Variants in LRRFIP1 observed in about 807,000 individuals in gnomAD.
LRRFIP1 encodes LRR binding FLII interacting protein 1, also known as leucine-rich repeat flightless-interacting protein 1.
LRRFIP1 carries 62 observed loss-of-function variants against 104.4 expected under a neutral mutation model. That is an observed-to-expected ratio of 0.59 (90% CI 0.48 to 0.73). The LOEUF is 0.73. Ranked by LOEUF, LRRFIP1 falls within the 30% of genes least tolerant of loss-of-function variation. The pLI is 0.00. For synonymous variants in LRRFIP1, 300 were observed against 299.0 expected, an observed-to-expected ratio of 1.00 and a Z score of -0.03; for missense variants, 796 against 824.5, an observed-to-expected ratio of 0.97 and a Z score of 0.42.
At chr2:237,757,875 T>A (rs984820433) in intron 17 of LRRFIP1, among the ~76,000 whole-genome samples, 7 of 151,898 alleles carry the variant, frequency 4.6e-5, no homozygotes, top group African/African-American at 1.7e-4. Context: ...AGGTCTGATG[T>A]GTGCAAGTCC....
chr2:237,768,151 AT>A lies in LRRFIP1; in HGVS notation c.1460-1788del, dbSNP rs984321066. ...AACGCTACGAAAACTAGTACTCTTT[AT>A]TTTCTTCATGTCAAATTATTTTGCT... On this transcript the variant is annotated intron_variant, in intron 19 of 23. Coordinates refer to ENST00000308482, the MANE Select transcript of LRRFIP1 (RefSeq NM_001137550.2). 9 of 152,100 alleles carry A rather than the reference AT, an allele frequency of 5.9e-5. No homozygotes were observed. In the South Asian group the frequency reaches 1.0e-3, roughly 18 times the overall value. The allele number at this position is 152,100 out of a possible 1,614,324, so 9.4% of individuals were successfully genotyped here.
chr2:237,738,417 GC>G lies in LRRFIP1; in HGVS notation c.556-813del, dbSNP rs1332964122. ...GGTGTCCAGGGGCTGGAATGGAGGG[GC>G]CTTCAGCAGTGGCGAGGCTTGCTAT... is the stretch of plus-strand genomic sequence containing the variant. On this transcript the variant is annotated intron_variant, in intron 10 of 23. Transcript: ENST00000308482. Among the ~76,000 whole-genome samples, 5 of 152,338 alleles carry G rather than the reference GC, an allele frequency of 3.3e-5. No homozygotes were observed. In the East Asian group the frequency reaches 9.7e-4, roughly 29 times the overall value.
In LRRFIP1 at chr2:237,703,382, T is replaced by TG. The variant is rs2093637405; in HGVS notation, c.97-5161dup. ...CCTGTTGCTCTTCCCACCCCATACC[T>TG]GCTCCCCACATTTCTATCAGAGCCC... On this transcript the variant is annotated intron_variant, in intron 1 of 23. Transcript: ENST00000308482. This position sits in a 1 kb window ranked among gnomAD's most constrained non-coding sequence, Gnocchi z 4.3. Among the ~76,000 whole-genome samples, 1 of 152,130 alleles carries TG rather than the reference T, an allele frequency of 6.6e-6. No homozygotes were observed. Among genetic ancestry groups the TG allele is most frequent in the South Asian group, 2.1e-4 (1 of 4,828 alleles).
chr2:237,752,534 C>T (rs2058747693), intron 14 of LRRFIP1, among the ~76,000 whole-genome samples: 1 of 152,240 alleles, frequency 6.6e-6, no homozygotes, highest in South Asian at 2.1e-4. Context: ...CCCTGGTAGC[C>T]TCTGCTGCAC....
chr2:237,692,206 C>A, intron 1 of LRRFIP1: 1 of 1,070,646 alleles, frequency 9.3e-7, no homozygotes, highest in Non-Finnish European at 1.1e-6. Context: ...TTCCCCGGCG[C>A]CCTTCCACCC....
At chr2:237,769,815 C>T (rs1430496949) in intron 19 of LRRFIP1, 128 bp from the exon 20 acceptor site, 20 of 740,274 alleles carry the variant, frequency 2.7e-5, no homozygotes, top group East Asian at 5.4e-5. Context: ...CCTCATTCAC[C>T]GTGGTACGTG....
intron 13 of LRRFIP1, among the ~76,000 whole-genome samples, chr2:237,750,537 A>C (rs2058491389): frequency 6.6e-6 from 1 of 151,804 alleles, no homozygotes; most frequent in African/African-American, 2.4e-5. Flanking sequence ...GGGTTTCGCC[A>C]TGTTGGCCAG....
At chr2:237,776,007 C>T (rs1185022665) in intron 23 of LRRFIP1, among the ~76,000 whole-genome samples, 1 of 151,856 alleles carries the variant, frequency 6.6e-6, no homozygotes, top group Non-Finnish European at 1.5e-5. Flanking sequence ...GACTCTTGCC[C>T]AGGCTGGAGT....
At chr2:237,702,878 A>G (rs2093613067) in intron 1 of LRRFIP1, among the ~76,000 whole-genome samples, 2 of 152,190 alleles carry the variant, frequency 1.3e-5, no homozygotes, top group Admixed American at 1.3e-4. Flanking sequence ...AACAATTGTT[A>G]GCTTATAGCC....
Position 237,717,904 on chromosome 2 carries a change from TTAAC to T in LRRFIP1, c.249+98_249+101del. 2 of 980,458 alleles carry T rather than the reference TTAAC, an allele frequency of 2.0e-6. No individual in the cohort carries two copies. Among genetic ancestry groups the T allele is most frequent in the East Asian group, 2.4e-5 (1 of 42,050 alleles). 60.7% of individuals were successfully genotyped at this position (980,458 alleles called of 1,614,324 possible). A position where few individuals can be genotyped will look rare whatever the true frequency, so the allele number is the denominator to read the frequency against. ...GTTTATAATGTAATTCTTACGCAGT[TTAAC>T]TATGTAGATAGATTCCTATTGCACC... On this transcript the variant is annotated intron_variant, in intron 4 of 23. Coordinates refer to ENST00000308482, the MANE Select transcript of LRRFIP1 (RefSeq NM_001137550.2). This position sits in a 1 kb window ranked among gnomAD's most constrained non-coding sequence, Gnocchi z 4.2.
At chr2:237,712,068 G>T (rs529723286) in intron 2 of LRRFIP1, among the ~76,000 whole-genome samples, 9 of 152,198 alleles carry the variant, frequency 5.9e-5, no homozygotes, top group Non-Finnish European at 1.0e-4. Flanking sequence ...CTGGGGCGGG[G>T]GGACATCCCA....
chr2:237,666,308 T>A (rs1466752313), intron 1 of LRRFIP1, among the ~76,000 whole-genome samples: 1 of 152,274 alleles, frequency 6.6e-6, no homozygotes, highest in Non-Finnish European at 1.5e-5. Context: ...GGTTTTTGGT[T>A]TCTTTTAAAT....
chr2:237,699,962 A>G (rs770262863), intron 1 of LRRFIP1, among the ~76,000 whole-genome samples: 16 of 152,186 alleles, frequency 1.1e-4, no homozygotes, highest in South Asian at 2.1e-4. Flanking sequence ...CCACATGAGC[A>G]TTTCTTTTGG....
intron 7 of LRRFIP1, among the ~76,000 whole-genome samples, chr2:237,727,355 C>CAAAAA (rs35562237): frequency 1.2e-5 from 1 of 84,722 alleles, no homozygotes. Flanking sequence ...GACTCTGTCT[C>CAAAAA]AAAAAAAAAA....
rs1485452805 is a variant in LRRFIP1 at position 237,756,195 on chromosome 2, G to A, written c.1131+8G>A. 6.2e-7 allele frequency: 1 copy of A among 1,603,948 alleles called. No homozygotes were observed. Among genetic ancestry groups the A allele is most frequent in the East Asian group, 2.2e-5 (1 of 44,768 alleles). ...AGAGAGGAAATGCTCGAGGTAGGTA[G>A]CATTCTCCTGCTTTTCTTTTCCTTT... is the stretch of plus-strand genomic sequence containing the variant. On this transcript the variant is annotated splice_region_variant and intron_variant, in intron 16 of 23. Coordinates refer to ENST00000308482, the MANE Select transcript of LRRFIP1 (RefSeq NM_001137550.2).
At chr2:237,694,486 G>A (rs2093031723) in intron 1 of LRRFIP1, among the ~76,000 whole-genome samples, 1 of 152,114 alleles carries the variant, frequency 6.6e-6, no homozygotes, top group Non-Finnish European at 1.5e-5. Flanking sequence ...GGGGGGTAGG[G>A]CGTCACCCAG....
intron 1 of LRRFIP1, among the ~76,000 whole-genome samples, chr2:237,663,373 G>T (rs1323713930): frequency 6.6e-6 from 1 of 152,170 alleles, no homozygotes; most frequent in Non-Finnish European, 1.5e-5. Context: ...GAGGTGATTA[G>T]GGCATGAGAG....
chr2:237,747,062 TG>T (rs1338721039), intron 11 of LRRFIP1, among the ~76,000 whole-genome samples: 1 of 152,186 alleles, frequency 6.6e-6, no homozygotes, highest in African/African-American at 2.4e-5. Flanking sequence ...GTGGGGTGGC[TG>T]GGCGAGACCA....
rs114008391 is a variant in LRRFIP1, at chr2:237,628,316, C to A, written c.96+576C>A. On this transcript the variant is annotated intron_variant, in intron 1 of 23. Transcript: ENST00000308482. ...GAGCCTGGAAACGGGTCCAGGCACACTGAAACGTCTTCATTAAAGTTTCCT... is the reference window on the plus strand; with the variant it reads ...GAGCCTGGAAACGGGTCCAGGCACAATGAAACGTCTTCATTAAAGTTTCCT... 7.3e-3 allele frequency among the ~76,000 whole-genome samples: 1,107 copies of A among 152,356 alleles called. 11 individuals carry two copies. The highest frequency in any genetic ancestry group is 0.025 in the African/African-American group (1,024 of 41,584).
Sources: allele counts gnomAD v4.1 joint callset (sites outside exome capture counted in the v4.1 genomes callset), GRCh38; gene constraint gnomAD v4.1.1; non-coding constraint Gnocchi (gnomAD v3.1); transcripts MANE v1.5; gene names NCBI Gene and HGNC (gene_info 2026-07-23, HGNC 2026-07-21).